The following DNAH3 variants were observed in gnomAD, a reference collection of about 807,000 sequenced individuals.
DNAH3 encodes the protein dynein axonemal heavy chain 3.
Under a neutral mutation model 432.5 loss-of-function variants are expected in DNAH3, and 332 were observed. The observed-to-expected ratio is 0.77, with a 90% CI of 0.70 to 0.84. The LOEUF (loss-of-function observed/expected upper bound fraction) is 0.84. Among genes scored for constraint, DNAH3 ranks in the 40% least tolerant of loss-of-function variants. The pLI, the probability that DNAH3 is intolerant of heterozygous loss-of-function variation, is 0.00. For missense variants in DNAH3, 4,861 were observed against 5,114.0 expected (o/e 0.95, Z 1.51); for synonymous variants, 1,956 against 1,900.2 (o/e 1.03, Z -0.76).
intron 12 of DNAH3, among the ~76,000 whole-genome samples, chr16:21,113,023 C>G (rs564606317): frequency 4.1e-4 from 63 of 152,290 alleles, no homozygotes; most frequent in Non-Finnish European, 5.7e-4. Flanking sequence ...CTTGCCTTGT[C>G]TCAGATGAGA....
At chr16:21,105,900 C>T (rs893034683) in intron 15 of DNAH3, among the ~76,000 whole-genome samples, 2 of 151,874 alleles carry the variant, frequency 1.3e-5, no homozygotes, top group Non-Finnish European at 2.9e-5. Context: ...AACTGGAGGT[C>T]GGCCAGGCCC....
intron 36 of DNAH3, among the ~76,000 whole-genome samples, chr16:21,033,643 C>T (rs1336581296): frequency 6.6e-6 from 1 of 152,160 alleles, no homozygotes; most frequent in African/African-American, 2.4e-5. Context: ...AGAAGCAAAA[C>T]CATGCAGTGA....
chr16:21,000,375 G>A, exon 43 of DNAH3: 10 of 1,614,146 alleles, frequency 6.2e-6, no homozygotes, highest in East Asian at 2.2e-5. Flanking sequence ...TTTTGGGAAG[G>A]TGGAGAAGGA....
chr16:20,979,461 CAT>C lies in DNAH3; in HGVS notation c.7943_7944del (p.Tyr2648CysfsTer8). ...AATTCAAGGTAGGAGGTGGGGGTAA[CAT>C]AGTTGTGTCTTCGAAGTTTGTTGTA... On this transcript the variant is annotated frameshift_variant, in exon 50 of 62. Coordinates refer to ENST00000261383, the Ensembl canonical transcript of DNAH3. LOFTEE classifies it high-confidence loss of function. The C allele has an allele frequency of 6.2e-7, 1 of 1,614,086 alleles. No individual in the cohort carries two copies. The highest frequency in any genetic ancestry group is 8.5e-7 in the Non-Finnish European group (1 of 1,180,010).
At chr16:20,980,254 CATATA>C (rs2085814103) in intron 49 of DNAH3, among the ~76,000 whole-genome samples, 1 of 121,010 alleles carries the variant, frequency 8.3e-6, no homozygotes, top group Non-Finnish European at 1.8e-5. Flanking sequence ...TAATATACAT[CATATA>C]TTATATTATA....
intron 7 of DNAH3, among the ~76,000 whole-genome samples, chr16:21,131,897 A>G (rs2092570285): frequency 6.6e-6 from 1 of 151,708 alleles, no homozygotes; most frequent in African/African-American, 2.4e-5. Context: ...AAAGGAAGAG[A>G]GAAAGAAAGA....
At chr16:20,984,926 C>G in intron 48 of DNAH3, 123 bp downstream of exon 48, 3 of 865,838 alleles carry the variant, frequency 3.5e-6, no homozygotes. Context: ...GGCCCTGACC[C>G]CGAGCTGGTG....
chr16:21,014,575 G>T (rs1302653964), intron 41 of DNAH3, among the ~76,000 whole-genome samples: 1 of 152,098 alleles, frequency 6.6e-6, no homozygotes, highest in Admixed American at 6.6e-5. Flanking sequence ...CATTACTTCT[G>T]TTCAGCATCA....
chr16:21,036,889 A>G (rs780303697), intron 34 of DNAH3, 41 bp from the exon 35 acceptor site: 8 of 1,527,892 alleles, frequency 5.2e-6, no homozygotes. Flanking sequence ...AGGATAAAGT[A>G]TCAGATATAT....
At chr16:21,038,494 G>C (rs900504658) in intron 33 of DNAH3, among the ~76,000 whole-genome samples, 1 of 152,164 alleles carries the variant, frequency 6.6e-6, no homozygotes, top group Non-Finnish European at 1.5e-5. Context: ...CTCCACTTTG[G>C]ATTTTCAGAT....
chr16:21,019,310 C>T (rs778499472), intron 41 of DNAH3: 3 of 340,468 alleles, frequency 8.8e-6, no homozygotes, highest in Non-Finnish European at 1.7e-5. Context: ...GTGCATGCCA[C>T]CACACCCAGC....
intron 18 of DNAH3, among the ~76,000 whole-genome samples, chr16:21,087,715 T>C (rs1350851291): frequency 1.3e-5 from 2 of 152,006 alleles, no homozygotes; most frequent in Non-Finnish European, 2.9e-5. Flanking sequence ...TTGTGCAACA[T>C]GGTTAAACCT....
intron 50 of DNAH3, among the ~76,000 whole-genome samples, chr16:20,978,654 C>T (rs539643092): frequency 6.6e-6 from 1 of 152,276 alleles, no homozygotes; most frequent in African/African-American, 2.4e-5. Context: ...CCACCTCAGC[C>T]TCCCAAGTAG....
intron 9 of DNAH3, among the ~76,000 whole-genome samples, chr16:21,122,926 A>G (rs1209551131): frequency 6.6e-6 from 1 of 152,060 alleles, no homozygotes; most frequent in East Asian, 1.9e-4. Context: ...TGCTGGGATT[A>G]CAGGTATGAG....
chr16:20,984,972 A>C, intron 48 of DNAH3, 77 bp downstream of exon 48: 1 of 1,238,006 alleles, frequency 8.1e-7, no homozygotes, highest in Admixed American at 2.2e-5. Flanking sequence ...ATTGTAAGGG[A>C]TTGGCCTGCT....
At chr16:21,066,797 G>A (rs1345612319) in intron 24 of DNAH3, among the ~76,000 whole-genome samples, 2 of 152,178 alleles carry the variant, frequency 1.3e-5, no homozygotes, top group Admixed American at 1.3e-4. Context: ...AAATTGACTG[G>A]TGTTTCTTAA....
chr16:20,956,078 C>T (rs1447773140), intron 54 of DNAH3, among the ~76,000 whole-genome samples: 2 of 152,096 alleles, frequency 1.3e-5, no homozygotes, highest in Non-Finnish European at 2.9e-5. Flanking sequence ...CAGGTGCCCG[C>T]CACTATGCCC....
intron 21 of DNAH3, 72 bp from the exon 22 acceptor site, chr16:21,070,898 T>G (rs575202626): frequency 3.9e-6 from 4 of 1,017,772 alleles, no homozygotes; most frequent in African/African-American, 3.2e-5. Flanking sequence ...TTTTAAAAAT[T>G]TATTTATTTG....
chr16:20,947,373 A>C (rs2084095849), intron 57 of DNAH3, among the ~76,000 whole-genome samples: 1 of 152,148 alleles, frequency 6.6e-6, no homozygotes, highest in Admixed American at 6.6e-5. Context: ...TAAACCAATA[A>C]ACCTAAGTAT....
Sources: allele counts gnomAD v4.1 joint callset (sites outside exome capture counted in the v4.1 genomes callset), GRCh38; gene constraint gnomAD v4.1.1; transcripts MANE v1.5; gene names NCBI Gene and HGNC (gene_info 2026-07-23, HGNC 2026-07-21).